Variants in BBS9 observed in about 807,000 individuals in gnomAD.
BBS9 encodes the protein protein PTHB1.
A neutral mutation model predicts 117.7 loss-of-function variants in BBS9; 89 were observed. The observed-to-expected ratio is 0.76, with a 90% CI of 0.64 to 0.90. The LOEUF is 0.90. Among genes scored for constraint, BBS9 ranks in the 40% least tolerant of loss-of-function variants. BBS9 has a pLI of 0.00. For synonymous variants in BBS9, 379 were observed against 370.9 expected (o/e 1.02, Z -0.25); for missense variants, 982 against 1,042.2 (o/e 0.94, Z 0.80).
intron 20 of BBS9, among the ~76,000 whole-genome samples, chr7:33,516,042 C>T (rs931017773): frequency 3.9e-5 from 6 of 152,046 alleles, no homozygotes; most frequent in African/African-American, 1.2e-4. Context: ...AGTCAGTGGA[C>T]GTGACATAAT....
chr7:33,288,265 T>C (rs560470746), intron 9 of BBS9, among the ~76,000 whole-genome samples: 8 of 152,128 alleles, frequency 5.3e-5, no homozygotes, highest in Admixed American at 2.6e-4. Flanking sequence ...GTGGAGAGCT[T>C]TCTTCTTTTG....
intron 21 of BBS9, among the ~76,000 whole-genome samples, chr7:33,632,335 C>A (rs1453131566): frequency 6.6e-6 from 1 of 152,208 alleles, no homozygotes; most frequent in Non-Finnish European, 1.5e-5. Flanking sequence ...GGGGGGATCG[C>A]TGCTTTCCAC....
At chr7:33,540,666 C>G (rs887320955) in intron 21 of BBS9, among the ~76,000 whole-genome samples, 5 of 152,160 alleles carry the variant, frequency 3.3e-5, no homozygotes, top group Non-Finnish European at 5.9e-5. Context: ...ACAACAAGGG[C>G]TAATTCATAA....
rs537431531 is a variant in BBS9 at position 33,511,408 on chromosome 7, G to A, written c.2298+5763G>A. ...ACTCCAGAGGAATCTCTAATGAAAAGAGCAATAGTGCACTGGTTTGGGGAC... is the reference window on the plus strand; with the variant it reads ...ACTCCAGAGGAATCTCTAATGAAAAAAGCAATAGTGCACTGGTTTGGGGAC... On this transcript the variant is annotated intron_variant, in intron 20 of 22. Transcript: ENST00000242067. 6.9e-4 allele frequency among the ~76,000 whole-genome samples: 105 copies of A among 152,242 alleles called. 2 individuals are homozygous for A. In the South Asian group the frequency reaches 0.021, roughly 30 times the overall value.
chr7:33,287,404 G>A (rs963326673), intron 9 of BBS9, among the ~76,000 whole-genome samples: 10 of 152,102 alleles, frequency 6.6e-5, no homozygotes, highest in African/African-American at 1.9e-4. Flanking sequence ...TCAAGATAAC[G>A]GTATTAATTG....
At chr7:33,229,769 A>G (rs572759550) in intron 5 of BBS9, among the ~76,000 whole-genome samples, 24 of 152,264 alleles carry the variant, frequency 1.6e-4, no homozygotes, top group South Asian at 1.5e-3. Context: ...ATTTGGGTAT[A>G]TGCCCCGAAA....
chr7:33,281,337 A>G (rs1253441498), intron 9 of BBS9, among the ~76,000 whole-genome samples: 5 of 106,538 alleles, frequency 4.7e-5, no homozygotes, highest in Non-Finnish European at 8.2e-5. Context: ...TCACTTAGAT[A>G]TTAGTTATTG....
intron 19 of BBS9, among the ~76,000 whole-genome samples, chr7:33,407,404 T>G (rs1749848520): frequency 6.6e-6 from 1 of 152,226 alleles, no homozygotes; most frequent in African/African-American, 2.4e-5. Context: ...TCGGAGTAGT[T>G]TGATCGTCTG....
intron 4 of BBS9, among the ~76,000 whole-genome samples, chr7:33,160,895 G>C (rs1167788854): frequency 6.6e-6 from 1 of 152,126 alleles, no homozygotes; most frequent in Non-Finnish European, 1.5e-5. Flanking sequence ...GACAAATAGA[G>C]CTAATGTTAT....
intron 19 of BBS9, among the ~76,000 whole-genome samples, chr7:33,492,472 G>T (rs1251595319): frequency 6.6e-6 from 1 of 152,120 alleles, no homozygotes; most frequent in East Asian, 1.9e-4. Context: ...TTATGATGAG[G>T]ACGATCTCTG....
At chr7:33,171,343 A>G (rs1210165110) in intron 4 of BBS9, among the ~76,000 whole-genome samples, 1 of 152,132 alleles carries the variant, frequency 6.6e-6, no homozygotes, top group Admixed American at 6.5e-5. Flanking sequence ...GAGAAAAACA[A>G]GCAGTGGGGA....
At chr7:33,398,251 T>A (rs1322709443) in intron 19 of BBS9, among the ~76,000 whole-genome samples, 1 of 152,214 alleles carries the variant, frequency 6.6e-6, no homozygotes, top group Non-Finnish European at 1.5e-5. Flanking sequence ...GAACTCCTGT[T>A]CTTCATTGGT....
chr7:33,194,429 T>C (rs1784626702), intron 5 of BBS9, among the ~76,000 whole-genome samples: 1 of 152,216 alleles, frequency 6.6e-6, no homozygotes, highest in South Asian at 2.1e-4. Context: ...AATTGTGTTC[T>C]TTCTTTGGTT....
chr7:33,306,922 A>G (rs960176209), intron 9 of BBS9, among the ~76,000 whole-genome samples: 1 of 152,154 alleles, frequency 6.6e-6, no homozygotes, highest in Admixed American at 6.5e-5. Flanking sequence ...AATTGAAGTA[A>G]CACATTCTAT....
intron 9 of BBS9, among the ~76,000 whole-genome samples, chr7:33,298,705 T>C (rs1192954784): frequency 2.6e-5 from 4 of 152,154 alleles, no homozygotes; most frequent in Non-Finnish European, 5.9e-5. Context: ...TTAGCTTCCT[T>C]TGCTTGCTGG....
At chr7:33,470,455 A>C (rs541732993) in intron 19 of BBS9, among the ~76,000 whole-genome samples, 1 of 152,108 alleles carries the variant, frequency 6.6e-6, no homozygotes, top group South Asian at 2.1e-4. Flanking sequence ...CGTAGATTCC[A>C]TTTCTACCCC....
At chr7:33,316,892 A>G (rs1323489517) in intron 9 of BBS9, among the ~76,000 whole-genome samples, 1 of 152,180 alleles carries the variant, frequency 6.6e-6, no homozygotes, top group African/African-American at 2.4e-5. Flanking sequence ...GGTCTAGTTT[A>G]TCATTTTTCC....
intron 6 of BBS9, among the ~76,000 whole-genome samples, chr7:33,261,790 A>G (rs1018703433): frequency 6.6e-6 from 1 of 152,146 alleles, no homozygotes; most frequent in Non-Finnish European, 1.5e-5. Flanking sequence ...AAAAAGCACC[A>G]CCGTTTAGCT....
At chr7:33,189,395 T>C (rs1454967708) in intron 5 of BBS9, among the ~76,000 whole-genome samples, 3 of 152,180 alleles carry the variant, frequency 2.0e-5, no homozygotes, top group Non-Finnish European at 4.4e-5. Flanking sequence ...CATCGTGTAA[T>C]TTGTGCCTTA....
Sources: allele counts gnomAD v4.1 joint callset (sites outside exome capture counted in the v4.1 genomes callset), GRCh38; gene constraint gnomAD v4.1.1; transcripts MANE v1.5; gene names NCBI Gene and HGNC (gene_info 2026-07-23, HGNC 2026-07-21).